Variants in GPC6 observed in about 807,000 individuals in gnomAD.
The protein encoded by GPC6 is glypican 6.
GPC6 carries 14 observed loss-of-function variants against 55.2 expected under a neutral mutation model. The ratio of observed to expected loss-of-function variants is 0.25; its 90% CI spans 0.17 to 0.40. The LOEUF is 0.40. Ranked by LOEUF, GPC6 falls within the 10% of genes least tolerant of loss-of-function variation. The pLI is 1.00. For missense variants in GPC6, 641 were observed against 708.5 expected (o/e 0.90, Z 1.08); for synonymous variants, 278 against 259.6 (o/e 1.07, Z -0.68).
intron 6 of GPC6, among the ~76,000 whole-genome samples, chr13:94,341,279 A>G (rs1440001475): frequency 6.6e-6 from 1 of 152,146 alleles, no homozygotes; most frequent in African/African-American, 2.4e-5. Context: ...TGCAGTAAAT[A>G]TCATGTTAAA....
At chr13:93,990,541 T>C (rs146226870) in intron 3 of GPC6, among the ~76,000 whole-genome samples, 2 of 152,168 alleles carry the variant, frequency 1.3e-5, no homozygotes, top group East Asian at 3.9e-4. Context: ...ATGTGGCCTA[T>C]GGTAACATCT....
At chr13:93,391,399 T>C (rs546023344) in intron 1 of GPC6, among the ~76,000 whole-genome samples, 22 of 152,292 alleles carry the variant, frequency 1.4e-4, no homozygotes, top group Non-Finnish European at 2.8e-4. Context: ...TGAGTCTTGA[T>C]GACAAATGCC....
At chr13:94,244,713 T>C (rs1226532736) in intron 4 of GPC6, among the ~76,000 whole-genome samples, 1 of 151,998 alleles carries the variant, frequency 6.6e-6, no homozygotes, top group African/African-American at 2.4e-5. Flanking sequence ...CATTGACAGT[T>C]TTAAGTGAAG....
intron 3 of GPC6, among the ~76,000 whole-genome samples, chr13:93,922,521 C>T (rs1284265958): frequency 6.6e-6 from 1 of 152,096 alleles, no homozygotes; most frequent in African/African-American, 2.4e-5. Flanking sequence ...GGGGGATTCC[C>T]TGTGCATTGT....
intron 1 of GPC6, chr13:93,450,702 A>G: frequency 1.5e-5 from 15 of 969,522 alleles, no homozygotes; most frequent in Non-Finnish European, 1.8e-5. Flanking sequence ...GAGCTCCAAC[A>G]CTTCCCACTT....
chr13:93,497,033 A>C (rs1429959449), intron 1 of GPC6, among the ~76,000 whole-genome samples: 4 of 152,164 alleles, frequency 2.6e-5, no homozygotes, highest in Admixed American at 6.6e-5. Context: ...TAATCCGAGG[A>C]AGGTTGCAAT....
rs60875610 is a variant in GPC6, at chr13:94,288,794, TATATATATTTGTTATATATAATAA to T, written c.1008+2324_1008+2347del. Among the ~76,000 whole-genome samples the T allele has an allele frequency of 3.7e-3, 388 of 103,942 alleles. 21 individuals are homozygous for T. The highest frequency in any genetic ancestry group is 7.6e-3 in the African/African-American group (167 of 22,048). 68.2% of individuals were successfully genotyped at this position (103,942 alleles called of 152,430 possible). ...ATATATTTGTTATATATATAATAAATATATATATTTGTTATATATAATAAATATATATATTTGTTATATATAACA... is the reference window on the plus strand; with the variant it reads ...ATATATTTGTTATATATATAATAAATATATATATATTTGTTATATATAACA... On this transcript the variant is annotated intron_variant, in intron 5 of 8. Coordinates refer to ENST00000377047, the MANE Select transcript of GPC6 (RefSeq NM_005708.5).
At chr13:93,888,479 A>C (rs1300774860) in intron 3 of GPC6, among the ~76,000 whole-genome samples, 1 of 152,162 alleles carries the variant, frequency 6.6e-6, no homozygotes, top group African/African-American at 2.4e-5. Flanking sequence ...ATTAAAACCA[A>C]TATTAACTTC....
At chr13:93,926,861 T>C (rs747130946) in intron 3 of GPC6, among the ~76,000 whole-genome samples, 2 of 152,164 alleles carry the variant, frequency 1.3e-5, no homozygotes, top group Non-Finnish European at 2.9e-5. Flanking sequence ...AGGGCAAATG[T>C]TTGAGTCACC....
intron 6 of GPC6, among the ~76,000 whole-genome samples, chr13:94,375,123 T>C (rs541943860): frequency 1.3e-5 from 2 of 149,954 alleles, no homozygotes; most frequent in East Asian, 2.0e-4. Context: ...AGATCCAAAA[T>C]TGACACCCTA....
intron 1 of GPC6, among the ~76,000 whole-genome samples, chr13:93,338,077 C>T (rs543562124): frequency 3.9e-5 from 6 of 152,226 alleles, no homozygotes; most frequent in South Asian, 4.2e-4. Context: ...TATAACATCA[C>T]GAGGAAGCTA....
intron 2 of GPC6, among the ~76,000 whole-genome samples, chr13:93,762,706 C>T (rs79436059): frequency 6.6e-6 from 1 of 152,280 alleles, no homozygotes; most frequent in East Asian, 1.9e-4. Flanking sequence ...AAAAAATGAC[C>T]TAACCAGCCT....
chr13:93,347,856 G>A (rs1195576455), intron 1 of GPC6, among the ~76,000 whole-genome samples: 1 of 152,184 alleles, frequency 6.6e-6, no homozygotes, highest in Non-Finnish European at 1.5e-5. Flanking sequence ...AGGCTTTCCA[G>A]TGTTTTTATG....
At chr13:93,928,721 T>A (rs1877985662) in intron 3 of GPC6, among the ~76,000 whole-genome samples, 1 of 146,988 alleles carries the variant, frequency 6.8e-6, no homozygotes, top group Non-Finnish European at 1.5e-5. Context: ...AAAGAAAGAT[T>A]ATTCTGTACT....
intron 1 of GPC6, among the ~76,000 whole-genome samples, chr13:93,301,502 C>T (rs1204511670): frequency 6.6e-6 from 1 of 152,146 alleles, no homozygotes; most frequent in Non-Finnish European, 1.5e-5. Flanking sequence ...GAGCTTCCTG[C>T]AGTTGTTGAT....
At chr13:94,283,775 T>G (rs758590266) in intron 4 of GPC6, among the ~76,000 whole-genome samples, 18 of 152,228 alleles carry the variant, frequency 1.2e-4, no homozygotes, top group Non-Finnish European at 2.2e-4. Context: ...GCTGACATAC[T>G]GTAACTGTCC....
At chr13:93,818,232 A>G (rs1346661754) in intron 2 of GPC6, among the ~76,000 whole-genome samples, 1 of 151,590 alleles carries the variant, frequency 6.6e-6, no homozygotes, top group Non-Finnish European at 1.5e-5. Context: ...TTCTACTTAC[A>G]TTTGCTCTTA....
chr13:93,382,851 T>C (rs565958941), intron 1 of GPC6, among the ~76,000 whole-genome samples: 52 of 152,314 alleles, frequency 3.4e-4, no homozygotes, highest in African/African-American at 1.2e-3. Context: ...TTGTCCCTAC[T>C]TCCCTAAAGC....
intron 3 of GPC6, among the ~76,000 whole-genome samples, chr13:93,912,711 C>A (rs1877069593): frequency 6.6e-6 from 1 of 152,076 alleles, no homozygotes; most frequent in South Asian, 2.1e-4. Flanking sequence ...CCACTGCACT[C>A]CAGCCTGGGC....
Sources: allele counts gnomAD v4.1 joint callset (sites outside exome capture counted in the v4.1 genomes callset), GRCh38; gene constraint gnomAD v4.1.1; transcripts MANE v1.5; gene names NCBI Gene and HGNC (gene_info 2026-07-23, HGNC 2026-07-21).